PALM2AKAP2: variants seen among roughly 807,000 people sequenced by gnomAD.
PALM2AKAP2 encodes the protein PALM2 and AKAP2 fusion, also known as PALM2-AKAP2 fusion protein.
In PALM2AKAP2, 37 loss-of-function variants were observed where a neutral mutation model predicts 71.5. The observed-to-expected ratio is 0.52, with a 90% CI of 0.40 to 0.68. The LOEUF is 0.68. PALM2AKAP2 is among the 30% of genes least tolerant of loss of function. PALM2AKAP2 has a pLI of 0.00. For synonymous variants in PALM2AKAP2, 468 were observed against 478.8 expected (o/e 0.98, Z 0.29); for missense variants, 1,224 against 1,191.8 (o/e 1.03, Z -0.40).
In PALM2AKAP2 at chr9:109,789,290, A is replaced by G. The variant is rs542455262; in HGVS notation, c.45+8757A>G. 1.5e-3 allele frequency among the ~76,000 whole-genome samples: 230 copies of G among 152,344 alleles called. 1 individual carries two copies. Among genetic ancestry groups the G allele is most frequent in the African/African-American group, 5.2e-3 (216 of 41,580 alleles). ...ACATCAAATAGCAGATCAGCCCATC[A>G]AGCCTGGTGGCCCCTTCTCCAGCCT... On this transcript the variant is annotated intron_variant, in intron 1 of 9. Transcript: ENST00000302798.
intron 1 of PALM2AKAP2, among the ~76,000 whole-genome samples, chr9:110,072,147 C>T (rs1013872360): frequency 1.3e-5 from 2 of 152,164 alleles, no homozygotes; most frequent in African/African-American, 4.8e-5. Flanking sequence ...ATCTTAACTA[C>T]ATTCCAATAT....
At chr9:109,866,048 C>T (rs958133773) in intron 1 of PALM2AKAP2, among the ~76,000 whole-genome samples, 5 of 152,174 alleles carry the variant, frequency 3.3e-5, no homozygotes, top group Admixed American at 6.6e-5. Context: ...ATGTGTCTTA[C>T]TTTGTCAGGG....
chr9:110,143,432 AG>A (rs1214057800), intron 2 of PALM2AKAP2, among the ~76,000 whole-genome samples: 5 of 149,592 alleles, frequency 3.3e-5, no homozygotes, highest in African/African-American at 1.2e-4. Context: ...AAAAAAAAAA[AG>A]GAGAGAGAGA....
chr9:109,867,206 CTGTG>C, intron 1 of PALM2AKAP2: 1 of 202,566 alleles, frequency 4.9e-6, no homozygotes, highest in Non-Finnish European at 9.7e-6. Flanking sequence ...GTGTGTGTGT[CTGTG>C]TGTGTGTGTA....
chr9:110,136,309 C>A, exon 2 of PALM2AKAP2: 2 of 1,614,146 alleles, frequency 1.2e-6, no homozygotes, highest in Non-Finnish European at 1.7e-6. Context: ...ATCCCATGGA[C>A]CATCCCTCCG....
At chr9:109,975,735 G>A (rs1032847044) in intron 6 of PALM2AKAP2, among the ~76,000 whole-genome samples, 14 of 152,204 alleles carry the variant, frequency 9.2e-5, no homozygotes, top group Admixed American at 7.2e-4. Context: ...CAGCCCGAGG[G>A]TTATGGGCAG....
chr9:110,059,645 C>T (rs1245829533), intron 1 of PALM2AKAP2, among the ~76,000 whole-genome samples: 3 of 152,188 alleles, frequency 2.0e-5, no homozygotes, highest in Non-Finnish European at 4.4e-5. Context: ...AGCTGCAGAA[C>T]ATTCAAGCCT....
At chr9:109,658,776 G>C (rs1195971847) in intron 1 of PALM2AKAP2, among the ~76,000 whole-genome samples, 1 of 152,062 alleles carries the variant, frequency 6.6e-6, no homozygotes, top group South Asian at 2.1e-4. Flanking sequence ...CTTTAATATG[G>C]TTGCTAGATA....
At chr9:109,691,765 C>T (rs1200152114) in intron 1 of PALM2AKAP2, among the ~76,000 whole-genome samples, 2 of 146,340 alleles carry the variant, frequency 1.4e-5, no homozygotes, top group Non-Finnish European at 3.0e-5. Context: ...AAATACTGCC[C>T]ATAGCGGGAA....
intron 3 of PALM2AKAP2, among the ~76,000 whole-genome samples, chr9:109,904,452 A>G (rs1417714531): frequency 6.6e-6 from 1 of 152,204 alleles, no homozygotes; most frequent in Non-Finnish European, 1.5e-5. Context: ...GCTTGTGATC[A>G]TTCATTCATT....
At chr9:109,909,823 A>G (rs949204021) in intron 3 of PALM2AKAP2, among the ~76,000 whole-genome samples, 3 of 152,246 alleles carry the variant, frequency 2.0e-5, no homozygotes, top group African/African-American at 7.2e-5. Flanking sequence ...GAGGGGTGGT[A>G]TGAGCAAAGT....
At chr9:109,853,220 C>G (rs745639759) in intron 1 of PALM2AKAP2, among the ~76,000 whole-genome samples, 16 of 152,158 alleles carry the variant, frequency 1.1e-4, no homozygotes, top group Non-Finnish European at 2.2e-4. Flanking sequence ...GCACTCAGAA[C>G]TGCGCGTGGC....
chr9:109,836,971 G>A (rs1828498355), intron 1 of PALM2AKAP2, among the ~76,000 whole-genome samples: 1 of 152,196 alleles, frequency 6.6e-6, no homozygotes, highest in Non-Finnish European at 1.5e-5. Flanking sequence ...TATTATCCAG[G>A]AGAACTTCCC....
chr9:109,755,928 A>G (rs7848404), intron 1 of PALM2AKAP2, among the ~76,000 whole-genome samples: 32,881 of 152,074 alleles, frequency 0.22, 3,800 homozygotes, highest in East Asian at 0.37. Context: ...CTTTTATCAC[A>G]GAGATGTACC....
chr9:109,911,712 A>G (rs1359835319), intron 3 of PALM2AKAP2, among the ~76,000 whole-genome samples: 3 of 152,268 alleles, frequency 2.0e-5, no homozygotes, highest in African/African-American at 7.2e-5. Context: ...AGAATCCTTT[A>G]GAAGCATGTT....
chr9:109,836,501 T>C (rs1460574569), intron 1 of PALM2AKAP2, among the ~76,000 whole-genome samples: 4 of 152,218 alleles, frequency 2.6e-5, no homozygotes, highest in East Asian at 1.9e-4. Context: ...TGCAGCTCCT[T>C]GCCAGCAATG....
chr9:109,712,644 T>A (rs1828259455), intron 1 of PALM2AKAP2, among the ~76,000 whole-genome samples: 1 of 152,222 alleles, frequency 6.6e-6, no homozygotes, highest in South Asian at 2.1e-4. Flanking sequence ...AACAAGCCAA[T>A]GGCTTTTTCT....
intron 3 of PALM2AKAP2, among the ~76,000 whole-genome samples, chr9:110,163,650 C>G (rs1322323380): frequency 6.6e-6 from 1 of 152,178 alleles, no homozygotes; most frequent in Non-Finnish European, 1.5e-5. Context: ...GCAGTATCTT[C>G]TGCTCCTGAC....
In PALM2AKAP2 at chr9:109,794,524, G is replaced by A. The variant is rs150951692; in HGVS notation, c.45+13991G>A. ...AGAGCACACCAGCCACATTCCCTGA[G>A]TCCAAGCAGGGAGCCAGAGAGGAGT... On this transcript the variant is annotated intron_variant, in intron 1 of 9. Transcript: ENST00000302798. Among the ~76,000 whole-genome samples, 712 of 151,906 alleles carry A rather than the reference G, an allele frequency of 4.7e-3. 3 individuals are homozygous for A. The highest frequency in any genetic ancestry group is 0.016 in the African/African-American group (674 of 41,386).
Sources: allele counts gnomAD v4.1 joint callset (sites outside exome capture counted in the v4.1 genomes callset), GRCh38; gene constraint gnomAD v4.1.1; transcripts MANE v1.5; gene names NCBI Gene and HGNC (gene_info 2026-07-23, HGNC 2026-07-21).